The following SLC37A3 variants were observed in gnomAD, a reference collection of about 807,000 sequenced individuals.
The protein encoded by SLC37A3 is sugar phosphate exchanger 3.
In SLC37A3, 51 loss-of-function variants were observed where a neutral mutation model predicts 67.1. That is an observed-to-expected ratio of 0.76 (90% confidence interval 0.61 to 0.96). The LOEUF (loss-of-function observed/expected upper bound fraction) is 0.96, where lower values mean the gene tolerates loss of function less well. SLC37A3 is among the 40% of genes least tolerant of loss of function. The pLI is 0.00. For missense variants in SLC37A3, 508 were observed against 603.0 expected, an observed-to-expected ratio of 0.84 and a Z score of 1.65; for synonymous variants, 214 against 231.4, an observed-to-expected ratio of 0.92 and a Z score of 0.68.
At chr7:140,335,668 C>T (rs1480131224) in intron 14 of SLC37A3, among the ~76,000 whole-genome samples, 164 bp from the exon 15 acceptor site, 2 of 152,026 alleles carry the variant, frequency 1.3e-5, no homozygotes, top group Non-Finnish European at 2.9e-5. Flanking sequence ...AAAATTATGG[C>T]TAATATTACA....
rs753448844 is a variant in SLC37A3 at position 140,380,336 on chromosome 7, G to T, written c.144C>A (p.Ile48=). The change falls in exon 3 of 15, where the codon ATC becomes ATA. Residue 48 remains isoleucine, a synonymous_variant. Transcript: ENST00000326232. ...RKTFSNVKVS[I]SEQWTPSAFN... is the part of the protein sequence containing the mutation. ...AAGCACTTGGGGTCCACTGCTCAGA[G>T]ATACTGACTTTGACATTGCTAAATG... The T allele has an allele frequency of 5.6e-6, 9 of 1,613,530 alleles. No homozygotes were observed. In the African/African-American group the frequency reaches 1.2e-4, roughly 22 times the overall value.
chr7:140,377,400 A>AT (rs1001270321), intron 3 of SLC37A3, among the ~76,000 whole-genome samples: 1 of 152,046 alleles, frequency 6.6e-6, no homozygotes, highest in African/African-American at 2.4e-5. Flanking sequence ...TCTCCTGGAG[A>AT]TAATTTTAGA....
chr7:140,382,303 T>C, intron 2 of SLC37A3, 135 bp downstream of exon 2: 2 of 723,504 alleles, frequency 2.8e-6, no homozygotes, highest in South Asian at 2.0e-5. Context: ...ATATTACAGC[T>C]ATCAAGACTA....
chr7:140,370,072 T>C (rs1585327680), intron 3 of SLC37A3, among the ~76,000 whole-genome samples: 1 of 151,660 alleles, frequency 6.6e-6, no homozygotes, highest in East Asian at 1.9e-4. Context: ...ATTGCACCAT[T>C]GCACTCCAGC....
intron 13 of SLC37A3, chr7:140,337,557 A>G: frequency 2.5e-6 from 1 of 402,788 alleles, no homozygotes; most frequent in Non-Finnish European, 4.5e-6. Context: ...GAAAAACCGT[A>G]TAATAGAAGT....
chr7:140,342,973 T>A (rs145929193), intron 13 of SLC37A3, among the ~76,000 whole-genome samples: 1 of 152,252 alleles, frequency 6.6e-6, no homozygotes, highest in African/African-American at 2.4e-5. Context: ...CATGGCCATG[T>A]CTGGCGGGGC....
intron 5 of SLC37A3, among the ~76,000 whole-genome samples, chr7:140,362,227 C>T (rs1306204026): frequency 7.0e-6 from 1 of 142,758 alleles, no homozygotes; most frequent in Non-Finnish European, 1.6e-5. Context: ...TGAGGAGCGC[C>T]TCTGCTGGGC....
intron 6 of SLC37A3, among the ~76,000 whole-genome samples, chr7:140,357,774 A>G (rs1797092643): frequency 6.6e-6 from 1 of 151,958 alleles, no homozygotes; most frequent in Non-Finnish European, 1.5e-5. Context: ...AAAACTAGCC[A>G]GGTGTGGGGG....
intron 2 of SLC37A3, among the ~76,000 whole-genome samples, chr7:140,381,087 G>A (rs181647617): frequency 0.02 from 3,058 of 150,928 alleles, 89 homozygotes; most frequent in African/African-American, 0.07. Context: ...TAGGAGAGAC[G>A]GGGTTTCACC....
chr7:140,359,322 G>A (rs1029051425), intron 5 of SLC37A3, among the ~76,000 whole-genome samples: 3 of 150,918 alleles, frequency 2.0e-5, no homozygotes, highest in Admixed American at 6.6e-5. Context: ...CAGCCTGCGC[G>A]GGAGTGCGAG....
Position 140,345,261 on chromosome 7 carries a change from A to T in SLC37A3, c.1129T>A (p.Ser377Thr), listed in dbSNP as rs138212875. The T allele has an allele frequency of 2.1e-5, 34 of 1,613,852 alleles. No individual in the cohort carries two copies. The highest frequency in any genetic ancestry group is 2.9e-5 in the Non-Finnish European group (34 of 1,179,866). Residue 377 changes from serine (S) to threonine (T), a missense_variant and splice_region_variant, in exon 12 of 15, where the codon TCT becomes ACT. Ser to Thr is a moderately conservative substitution (Grantham distance 58). Coordinates refer to ENST00000326232, the MANE Select transcript of SLC37A3 (RefSeq NM_207113.3). ...AVGSLIGYSR[S>T]PNDKSINALL... ...GCATTGATGGACTTATCATTTGGAG[A>T]ACCTGTGAGGGAAGACACAGACAAA...
chr7:140,354,775 C>A (rs1379044546), intron 7 of SLC37A3, among the ~76,000 whole-genome samples: 1 of 144,760 alleles, frequency 6.9e-6, no homozygotes. Flanking sequence ...GGGTCTTGCT[C>A]CATCACCAAG....
chr7:140,380,235 G>A (rs1798196686), intron 3 of SLC37A3, 47 bp downstream of exon 3: 1 of 1,164,898 alleles, frequency 8.6e-7, no homozygotes, highest in Non-Finnish European at 1.3e-6. Flanking sequence ...TCTAGGGGTG[G>A]GCACGGTCTC....
intron 10 of SLC37A3, among the ~76,000 whole-genome samples, chr7:140,347,136 G>A (rs1585263027): frequency 6.7e-6 from 1 of 149,676 alleles, no homozygotes; most frequent in Admixed American, 6.7e-5. Flanking sequence ...GGTGGTGCAT[G>A]ACTGTAGCCC....
intron 3 of SLC37A3, among the ~76,000 whole-genome samples, chr7:140,370,945 CACTGG>C: frequency 6.6e-6 from 1 of 152,164 alleles, no homozygotes; most frequent in Admixed American, 6.6e-5. Context: ...TTGTATAACA[CACTGG>C]AGTAAACTGA....
At chr7:140,379,810 C>T in intron 3 of SLC37A3, 1 of 151,012 alleles carries the variant, frequency 6.6e-6, no homozygotes, top group East Asian at 1.9e-4. Flanking sequence ...GGGAGGATCG[C>T]TTGAGCCCAG....
At chr7:140,344,072 T>A in intron 12 of SLC37A3, 2 of 173,868 alleles carry the variant, frequency 1.2e-5, no homozygotes, top group Non-Finnish European at 2.4e-5. Flanking sequence ...TGGAATCAGT[T>A]CCATGTACCC....
intron 7 of SLC37A3, among the ~76,000 whole-genome samples, chr7:140,355,299 C>T (rs556269254): frequency 5.6e-4 from 85 of 152,226 alleles, no homozygotes; most frequent in African/African-American, 2.0e-3. Flanking sequence ...GCAACCTCCG[C>T]CTCGTGGGTT....
intron 1 of SLC37A3, among the ~76,000 whole-genome samples, chr7:140,382,804 A>G (rs1361457176): frequency 1.3e-5 from 2 of 151,912 alleles, no homozygotes; most frequent in African/African-American, 4.8e-5. Flanking sequence ...ACAAAAGATT[A>G]TATCTTAATA....
Sources: gnomAD v4.1 joint callset for allele counts (sites outside exome capture counted in the v4.1 genomes callset) on GRCh38, gnomAD v4.1.1 for gene constraint, MANE v1.5 for transcripts, NCBI Gene and HGNC (gene_info 2026-07-23, HGNC 2026-07-21) for gene names.